The following KCNMA1 variants were observed in gnomAD, a reference collection of about 807,000 sequenced individuals.
KCNMA1 encodes Calcium-activated potassium channel subunit alpha-1.
In KCNMA1, 29 loss-of-function variants were observed where a neutral mutation model predicts 140.0. The observed-to-expected ratio is 0.21, with a 90% CI of 0.15 to 0.28. The LOEUF (loss-of-function observed/expected upper bound fraction) is 0.28, where lower values mean the gene tolerates loss of function less well. Ranked by LOEUF, KCNMA1 falls within the 10% of genes least tolerant of loss-of-function variation. The pLI, the probability that KCNMA1 is intolerant of heterozygous loss-of-function variation, is 1.00. For synonymous variants in KCNMA1, 612 were observed against 611.9 expected (o/e 1.00, Z 0.00); for missense variants, 880 against 1,602.2 (o/e 0.55, Z 7.70).
chr10:77,494,245 T>A (rs1225448057), intron 1 of KCNMA1, among the ~76,000 whole-genome samples: 1 of 151,914 alleles, frequency 6.6e-6, no homozygotes, highest in Non-Finnish European at 1.5e-5. Context: ...ATTTCGCCAA[T>A]TGGACCATGA....
intron 6 of KCNMA1, among the ~76,000 whole-genome samples, chr10:77,118,988 T>C (rs1418518426): frequency 2.6e-5 from 4 of 152,196 alleles, no homozygotes; most frequent in South Asian, 2.1e-4. Flanking sequence ...GAGTTTCATA[T>C]AGTGGGAAGT....
chr10:77,385,440 C>G (rs1361117504), intron 2 of KCNMA1, among the ~76,000 whole-genome samples: 1 of 152,234 alleles, frequency 6.6e-6, no homozygotes, highest in Non-Finnish European at 1.5e-5. Flanking sequence ...GTCATGTAAT[C>G]TGCATAATAA....
At chr10:77,048,708 C>T (rs2095225939) in intron 14 of KCNMA1, among the ~76,000 whole-genome samples, 1 of 152,290 alleles carries the variant, frequency 6.6e-6, no homozygotes, top group East Asian at 1.9e-4. Context: ...GCACAATACT[C>T]CTTAGAGTAT....
At chr10:77,439,087 A>AGAG (rs2097327887) in intron 1 of KCNMA1, among the ~76,000 whole-genome samples, 1 of 124,848 alleles carries the variant, frequency 8.0e-6, no homozygotes, top group Non-Finnish European at 1.7e-5. Context: ...AAAGAAAAGA[A>AGAG]AAGAGAAGAG....
chr10:77,163,463 T>G (rs1479347810), intron 5 of KCNMA1, among the ~76,000 whole-genome samples: 1 of 152,200 alleles, frequency 6.6e-6, no homozygotes, highest in Non-Finnish European at 1.5e-5. Flanking sequence ...TTGGGAACCC[T>G]TATCATTTGT....
At chr10:77,073,007 G>C in intron 14 of KCNMA1, 90 bp downstream of exon 14, 1 of 1,268,822 alleles carries the variant, frequency 7.9e-7, no homozygotes, top group Non-Finnish European at 1.2e-6. Flanking sequence ...AGAGCCCGTC[G>C]ATCTGTTTTG....
At chr10:76,916,399 T>C (rs2052922569) in intron 23 of KCNMA1, among the ~76,000 whole-genome samples, 1 of 152,252 alleles carries the variant, frequency 6.6e-6, no homozygotes, top group Non-Finnish European at 1.5e-5. Flanking sequence ...AGGCAGAATG[T>C]CTGCCTCGTT....
At chr10:76,914,336 G>C in intron 24 of KCNMA1, 1 of 569,824 alleles carries the variant, frequency 1.8e-6, no homozygotes, top group Non-Finnish European at 3.1e-6. Flanking sequence ...GCCATGGCCA[G>C]GTTAGAAGTT....
intron 2 of KCNMA1, among the ~76,000 whole-genome samples, chr10:77,392,102 G>A (rs1355477612): frequency 6.8e-6 from 1 of 147,786 alleles, no homozygotes; most frequent in Non-Finnish European, 1.5e-5. Context: ...TGGGAAGGAG[G>A]GAGGGAAGGA....
downstream of KCNMA1, chr10:76,884,384 A>G (rs545873378): frequency 6.6e-6 from 1 of 152,254 alleles, no homozygotes; most frequent in African/African-American, 2.4e-5. Flanking sequence ...CAGAGAAGCA[A>G]GTTTGCCAAA....
chr10:77,575,719 A>T (rs1452694659), intron 1 of KCNMA1, among the ~76,000 whole-genome samples: 1 of 152,176 alleles, frequency 6.6e-6, no homozygotes, highest in East Asian at 1.9e-4. Flanking sequence ...TCCCTGCCAT[A>T]CCCAGAGGCT....
chr10:76,898,880 T>C (rs2043820413), intron 25 of KCNMA1, among the ~76,000 whole-genome samples: 1 of 151,814 alleles, frequency 6.6e-6, no homozygotes, highest in Non-Finnish European at 1.5e-5. Flanking sequence ...GGATGAAAAG[T>C]GTCAGTTAAT....
chr10:77,359,716 A>C (rs1037120141), intron 2 of KCNMA1, among the ~76,000 whole-genome samples: 9 of 152,216 alleles, frequency 5.9e-5, no homozygotes, highest in African/African-American at 2.2e-4. Context: ...GTTAACCCAC[A>C]GGGTGAGTGC....
At chr10:77,298,687 A>G (rs2075835512) in intron 2 of KCNMA1, among the ~76,000 whole-genome samples, 1 of 152,130 alleles carries the variant, frequency 6.6e-6, no homozygotes, top group South Asian at 2.1e-4. Context: ...GTGACCTCCC[A>G]AAGGTCCCCT....
At chr10:77,606,481 G>A (rs900060904) in intron 1 of KCNMA1, among the ~76,000 whole-genome samples, 9 of 152,134 alleles carry the variant, frequency 5.9e-5, no homozygotes, top group African/African-American at 2.2e-4. Flanking sequence ...ACAGTAGTGC[G>A]CACCTGTAGT....
intron 24 of KCNMA1, chr10:76,910,877 A>C (rs1488213216): frequency 6.5e-6 from 1 of 153,306 alleles, no homozygotes; most frequent in African/African-American, 2.4e-5. Context: ...GGATTCCTCA[A>C]GGACTCCTCC....
chr10:77,182,918 C>A (rs1172386369), intron 5 of KCNMA1, among the ~76,000 whole-genome samples: 1 of 152,162 alleles, frequency 6.6e-6, no homozygotes, highest in Non-Finnish European at 1.5e-5. Context: ...ACCTCAGTCT[C>A]CTGTAAGGTG....
chr10:77,150,444 A>C (rs768466865), intron 5 of KCNMA1, among the ~76,000 whole-genome samples: 2 of 152,230 alleles, frequency 1.3e-5, no homozygotes, highest in African/African-American at 2.4e-5. Context: ...ATTAATCATC[A>C]ATAAGTCACC....
intron 1 of KCNMA1, among the ~76,000 whole-genome samples, chr10:77,563,138 A>C (rs932391012): frequency 2.0e-5 from 3 of 151,372 alleles, no homozygotes; most frequent in Non-Finnish European, 4.4e-5. Flanking sequence ...TTTTTTTTCC[A>C]AACCCGTAGG....
Sources: allele counts gnomAD v4.1 joint callset (sites outside exome capture counted in the v4.1 genomes callset), GRCh38; gene constraint gnomAD v4.1.1; transcripts MANE v1.5; gene names NCBI Gene and HGNC (gene_info 2026-07-23, HGNC 2026-07-21).